SHOC2: variants seen among roughly 807,000 people sequenced by gnomAD.
SHOC2 encodes the protein leucine-rich repeat protein SHOC-2.
Under a neutral mutation model 50.2 loss-of-function variants are expected in SHOC2, and 4 were observed. That is an observed-to-expected ratio of 0.08 (90% CI 0.04 to 0.18). The LOEUF is 0.18. Ranked by LOEUF, SHOC2 falls within the 10% of genes least tolerant of loss-of-function variation. The pLI, the probability that SHOC2 is intolerant of heterozygous loss-of-function variation, is 1.00. For missense variants in SHOC2, 388 were observed against 669.6 expected, an observed-to-expected ratio of 0.58 and a Z score of 4.64; for synonymous variants, 218 against 244.5, an observed-to-expected ratio of 0.89 and a Z score of 1.01.
At chr10:110,991,895 A>G (rs992903159) in intron 3 of SHOC2, among the ~76,000 whole-genome samples, 1 of 152,278 alleles carries the variant, frequency 6.6e-6, no homozygotes, top group South Asian at 2.1e-4. Flanking sequence ...TTAAAATGAA[A>G]AACAAACAGA....
intron 6 of SHOC2, among the ~76,000 whole-genome samples, chr10:111,009,016 G>GCTT (rs1219525687): frequency 1.3e-5 from 2 of 151,788 alleles, no homozygotes; most frequent in Admixed American, 1.3e-4. Context: ...AAATTAAATT[G>GCTT]CTTCTTTTGT....
At chr10:111,007,902 AAAAG>A (rs1391413587) in intron 6 of SHOC2, among the ~76,000 whole-genome samples, 4 of 151,962 alleles carry the variant, frequency 2.6e-5, no homozygotes, top group Admixed American at 1.3e-4. Context: ...TAATATCTCT[AAAAG>A]AAAAGTTCTG....
Position 111,004,274 on chromosome 10 carries a change from C to G in SHOC2, c.973-332C>G, listed in dbSNP as rs79018209. On this transcript the variant is annotated intron_variant, in intron 4 of 8. Coordinates refer to ENST00000369452, the MANE Select transcript of SHOC2 (RefSeq NM_007373.4). ...AATGTAGAAGTTTCAAATTAGTCAC[C>G]CATGAGGCACCTCTCACACACAGAC... Among the ~76,000 whole-genome samples, 1,195 of 152,270 alleles carry G rather than the reference C, an allele frequency of 7.8e-3. 20 individuals are homozygous for G. The highest frequency in any genetic ancestry group is 0.026 in the African/African-American group (1,074 of 41,560).
chr10:111,006,942 GT>G (rs1214835198), intron 5 of SHOC2, among the ~76,000 whole-genome samples: 1 of 152,112 alleles, frequency 6.6e-6, no homozygotes, highest in African/African-American at 2.4e-5. Context: ...CATATTTACT[GT>G]TTCCTCTGTT....
At chr10:110,965,874 T>G (rs2134123051) in intron 2 of SHOC2, among the ~76,000 whole-genome samples, 1 of 152,246 alleles carries the variant, frequency 6.6e-6, no homozygotes, top group African/African-American at 2.4e-5. Context: ...TTGACATCAG[T>G]TTTGAAAAAT....
chr10:110,937,439 G>A (rs935058895), intron 1 of SHOC2, among the ~76,000 whole-genome samples: 13 of 152,190 alleles, frequency 8.5e-5, no homozygotes, highest in Non-Finnish European at 1.6e-4. Flanking sequence ...CCTGGCTTGA[G>A]CTCTTCTAGC....
chr10:111,005,458 G>A lies in SHOC2; in HGVS notation c.1161+664G>A, dbSNP rs146774764. On this transcript the variant is annotated intron_variant, in intron 5 of 8. Transcript: ENST00000369452. ...ATATTTTGGTCTAAAAGAACACTACGTACTAGTTGAAATATTCTCATTTTA... is the reference window on the plus strand; with the variant it reads ...ATATTTTGGTCTAAAAGAACACTACATACTAGTTGAAATATTCTCATTTTA... Among the ~76,000 whole-genome samples, 837 of 152,128 alleles carry A rather than the reference G, an allele frequency of 5.5e-3. 28 individuals are homozygous for A. The South Asian group carries it at 0.093, about 17-fold the overall frequency.
intron 2 of SHOC2, among the ~76,000 whole-genome samples, chr10:110,977,013 C>T (rs566347605): frequency 1.3e-5 from 2 of 152,198 alleles, no homozygotes; most frequent in Non-Finnish European, 2.9e-5. Context: ...TCTTCAGTGT[C>T]TAAATCTTAC....
At chr10:110,940,923 T>G (rs1245407969) in intron 1 of SHOC2, among the ~76,000 whole-genome samples, 7,288 of 13,718 alleles carry the variant, frequency 0.53, 1,045 homozygotes, top group Middle Eastern at 0.61. Context: ...TTTTTTTTTT[T>G]TTTTTTTTTT....
intron 1 of SHOC2, among the ~76,000 whole-genome samples, chr10:110,930,865 C>G (rs529763749): frequency 1.3e-4 from 19 of 150,786 alleles, no homozygotes; most frequent in South Asian, 6.2e-4. Flanking sequence ...CTTCCCTATC[C>G]TGCCTTTTAA....
At chr10:111,000,309 A>G in intron 3 of SHOC2, 106 bp from the exon 4 acceptor site, 1 of 1,101,168 alleles carries the variant, frequency 9.1e-7, no homozygotes, top group Non-Finnish European at 1.4e-6. Flanking sequence ...ACTTGCTGAA[A>G]CAGTACTTTG....
intron 1 of SHOC2, among the ~76,000 whole-genome samples, chr10:110,923,799 A>G: frequency 6.6e-6 from 1 of 152,204 alleles, no homozygotes; most frequent in East Asian, 1.9e-4. Flanking sequence ...TTTGTGCATG[A>G]CTATCTTTTG....
intron 3 of SHOC2, among the ~76,000 whole-genome samples, chr10:110,997,652 A>G (rs1256328322): frequency 6.6e-6 from 1 of 152,194 alleles, no homozygotes; most frequent in African/African-American, 2.4e-5. Flanking sequence ...AAAATTATAT[A>G]TTGAACATCT....
intron 1 of SHOC2, among the ~76,000 whole-genome samples, chr10:110,932,651 T>C (rs1846916922): frequency 6.6e-6 from 1 of 152,170 alleles, no homozygotes; most frequent in Admixed American, 6.5e-5. Flanking sequence ...TTAGATGTTA[T>C]CTCTTTTAAG....
At chr10:110,975,103 T>C (rs1366608472) in intron 2 of SHOC2, among the ~76,000 whole-genome samples, 3 of 151,898 alleles carry the variant, frequency 2.0e-5, no homozygotes, top group South Asian at 2.1e-4. Flanking sequence ...AAATTTTAGT[T>C]AATTTCATCA....
chr10:110,984,102 A>G (rs1277423777), intron 2 of SHOC2, among the ~76,000 whole-genome samples: 2 of 152,148 alleles, frequency 1.3e-5, no homozygotes, highest in Admixed American at 1.3e-4. Flanking sequence ...TTTCACAGCA[A>G]CTGTACCATT....
At chr10:110,980,985 C>G (rs1203052281) in intron 2 of SHOC2, among the ~76,000 whole-genome samples, 1 of 152,174 alleles carries the variant, frequency 6.6e-6, no homozygotes, top group Admixed American at 6.5e-5. Flanking sequence ...ACTGCTGAAT[C>G]TTTCATGTAG....
intron 2 of SHOC2, among the ~76,000 whole-genome samples, chr10:110,973,409 A>G (rs931248964): frequency 2.6e-5 from 4 of 152,044 alleles, no homozygotes; most frequent in African/African-American, 9.7e-5. Flanking sequence ...GGGCCTTTTT[A>G]TATATTTCTG....
chr10:110,988,518 T>C lies in SHOC2; in HGVS notation c.841+2753T>C, dbSNP rs188049271. On this transcript the variant is annotated intron_variant, in intron 3 of 8. Transcript: ENST00000369452. ...TCATAACATTCTTATTATTTTAATA[T>C]CTGTAGAATCTATAGTAATGCCACC... Among the ~76,000 whole-genome samples the C allele has an allele frequency of 2.6e-5, 4 of 152,284 alleles. No homozygotes were observed. The East Asian group carries it at 7.7e-4, about 29-fold the overall frequency.
Sources: allele counts gnomAD v4.1 joint callset (sites outside exome capture counted in the v4.1 genomes callset), GRCh38; gene constraint gnomAD v4.1.1; transcripts MANE v1.5; gene names NCBI Gene and HGNC (gene_info 2026-07-23, HGNC 2026-07-21).